Variants in BAIAP2L1 observed in about 807,000 individuals in gnomAD.
The protein encoded by BAIAP2L1 is BAR/IMD domain-containing adapter protein 2-like 1.
In BAIAP2L1, 35 loss-of-function variants were observed where a neutral mutation model predicts 66.3. That is an observed-to-expected ratio of 0.53 (90% CI 0.40 to 0.70). The LOEUF (loss-of-function observed/expected upper bound fraction) is 0.70. Ranked by LOEUF, BAIAP2L1 falls within the 30% of genes least tolerant of loss-of-function variation. The pLI, the probability that BAIAP2L1 is intolerant of heterozygous loss-of-function variation, is 0.00. For synonymous variants in BAIAP2L1, 269 were observed against 248.7 expected, an observed-to-expected ratio of 1.08 and a Z score of -0.77; for missense variants, 622 against 656.9, an observed-to-expected ratio of 0.95 and a Z score of 0.58.
chr7:98,356,853 G>T (rs1802131943), intron 2 of BAIAP2L1, among the ~76,000 whole-genome samples: 1 of 147,034 alleles, frequency 6.8e-6, no homozygotes, highest in Non-Finnish European at 1.5e-5. Flanking sequence ...CAGGCATGGT[G>T]GTGGTGGCAC....
intron 3 of BAIAP2L1, among the ~76,000 whole-genome samples, chr7:98,323,827 A>G (rs1322908871): frequency 6.6e-6 from 1 of 152,244 alleles, no homozygotes; most frequent in African/African-American, 2.4e-5. Context: ...ATTAACACAC[A>G]TCTTGGCTGC....
At chr7:98,306,338 C>T in intron 11 of BAIAP2L1, 101 bp downstream of exon 11, 2 of 1,405,992 alleles carry the variant, frequency 1.4e-6, no homozygotes, top group Non-Finnish European at 2.0e-6. Context: ...AGAGCTGAGG[C>T]TTAGGGCAGG....
At chr7:98,311,025 C>A (rs1800849843) in intron 8 of BAIAP2L1, among the ~76,000 whole-genome samples, 1 of 152,020 alleles carries the variant, frequency 6.6e-6, no homozygotes, top group African/African-American at 2.4e-5. Flanking sequence ...AGAGTGGATC[C>A]ATGTGTTCAA....
Position 98,367,534 on chromosome 7 carries a change from C to CTTTTT in BAIAP2L1, c.52-5107_52-5103dup, listed in dbSNP as rs1380227043. 1.3e-3 allele frequency among the ~76,000 whole-genome samples: 154 copies of CTTTTT among 114,514 alleles called. 9 individuals are homozygous for CTTTTT. The highest frequency in any genetic ancestry group is 1.9e-3 in the Non-Finnish European group (108 of 57,920). The allele number at this position is 114,514 out of a possible 152,430, so 75.1% of individuals were successfully genotyped here. ...TATAGGCGCGCACCACCACACCTGG[C>CTTTTT]TTTTTTTTTTTTTTTTTGTGAGACG... On this transcript the variant is annotated intron_variant, in intron 1 of 13. Coordinates refer to ENST00000005260, the MANE Select transcript of BAIAP2L1 (RefSeq NM_018842.5).
chr7:98,395,732 G>A (rs868857624), intron 1 of BAIAP2L1, among the ~76,000 whole-genome samples: 1 of 151,996 alleles, frequency 6.6e-6, no homozygotes, highest in Non-Finnish European at 1.5e-5. Context: ...TTTTAAGCTG[G>A]AATATTGAGT....
intron 1 of BAIAP2L1, among the ~76,000 whole-genome samples, chr7:98,398,489 G>T (rs1394673151): frequency 1.3e-5 from 2 of 150,696 alleles, no homozygotes; most frequent in Admixed American, 1.3e-4. Context: ...AAAAAAAAAG[G>T]TCCCAAAACA....
chr7:98,306,712 A>T, intron 10 of BAIAP2L1, 196 bp from the exon 11 acceptor site: 2 of 786,594 alleles, frequency 2.5e-6, no homozygotes, highest in Non-Finnish European at 3.8e-6. Context: ...ATTGTTAACA[A>T]TTTTTTTTTA....
intron 1 of BAIAP2L1, among the ~76,000 whole-genome samples, chr7:98,399,788 A>T (rs1300649782): frequency 6.6e-6 from 1 of 152,212 alleles, no homozygotes; most frequent in African/African-American, 2.4e-5. Flanking sequence ...CTCCTAATAC[A>T]TGCAAGTTAA....
At chr7:98,338,702 C>T (rs1236374225) in intron 3 of BAIAP2L1, among the ~76,000 whole-genome samples, 1 of 152,140 alleles carries the variant, frequency 6.6e-6, no homozygotes, top group Non-Finnish European at 1.5e-5. Context: ...TGTTTTTCCA[C>T]TTATCAGCAG....
intron 11 of BAIAP2L1, among the ~76,000 whole-genome samples, chr7:98,305,433 A>G (rs768774742): frequency 2.0e-5 from 3 of 152,194 alleles, no homozygotes; most frequent in South Asian, 2.1e-4. Context: ...TGAAGATTGC[A>G]GACAGCATCA....
chr7:98,311,360 G>A (rs183620438), intron 8 of BAIAP2L1, among the ~76,000 whole-genome samples: 1 of 151,652 alleles, frequency 6.6e-6, no homozygotes, highest in African/African-American at 2.4e-5. Context: ...TGGCTAACAT[G>A]GTGAAACCCG....
intron 1 of BAIAP2L1, among the ~76,000 whole-genome samples, chr7:98,363,254 C>T (rs1006430016): frequency 2.6e-5 from 4 of 151,996 alleles, no homozygotes; most frequent in South Asian, 4.2e-4. Context: ...AGGCTGGTCT[C>T]GAACTCCTGA....
At chr7:98,297,945 T>C (rs1800258346) in intron 12 of BAIAP2L1, among the ~76,000 whole-genome samples, 2 of 152,188 alleles carry the variant, frequency 1.3e-5, no homozygotes, top group Admixed American at 1.3e-4. Context: ...ATTAAAAAAA[T>C]TCAGGCCGGG....
chr7:98,293,164 G>A lies in BAIAP2L1; in HGVS notation c.*357C>T. On this transcript the variant is annotated 3_prime_UTR_variant, in exon 14 of 14. Transcript: ENST00000005260. Reference sequence around the variant, plus strand: ...AAAACTGGTCTCATTCATATCAGGTGCAGAAAGCCAGTCCTGAAAGCATAG... The same window carrying A: ...AAAACTGGTCTCATTCATATCAGGTACAGAAAGCCAGTCCTGAAAGCATAG... The A allele has an allele frequency of 3.4e-6, 1 of 293,562 alleles. No individual in the cohort carries two copies. Among genetic ancestry groups the A allele is most frequent in the East Asian group, 7.9e-5 (1 of 12,582 alleles). The allele number at this position is 293,562 out of a possible 1,614,324, so 18.2% of individuals were successfully genotyped here.
At chr7:98,381,579 C>G (rs1802760006) in intron 1 of BAIAP2L1, among the ~76,000 whole-genome samples, 1 of 152,182 alleles carries the variant, frequency 6.6e-6, no homozygotes, top group Non-Finnish European at 1.5e-5. Flanking sequence ...AGCCTGAGCT[C>G]TCTAAGGCCA....
At chr7:98,309,035 T>C (rs1443547175) in intron 9 of BAIAP2L1, 3 of 152,094 alleles carry the variant, frequency 2.0e-5, no homozygotes, top group African/African-American at 7.2e-5. Flanking sequence ...CATCTTTAAT[T>C]TAAAACAATG....
At chr7:98,324,032 A>C (rs992502322) in intron 3 of BAIAP2L1, among the ~76,000 whole-genome samples, 13 of 151,586 alleles carry the variant, frequency 8.6e-5, no homozygotes, top group Non-Finnish European at 1.3e-4. Context: ...GAAAAAAAAA[A>C]CCCGGAGGGT....
chr7:98,328,348 G>A (rs150620985), intron 3 of BAIAP2L1, among the ~76,000 whole-genome samples: 8 of 152,254 alleles, frequency 5.3e-5, no homozygotes, highest in African/African-American at 1.7e-4. Flanking sequence ...CACAGCATCC[G>A]CAGGAAGATG....
chr7:98,393,050 T>TACATATATGTAC lies in BAIAP2L1; in HGVS notation c.51+7740_51+7751dup, dbSNP rs1554341837. Among the ~76,000 whole-genome samples, 7 of 98,388 alleles carry TACATATATGTAC rather than the reference T, an allele frequency of 7.1e-5. No individual in the cohort carries two copies. In the Admixed American group the frequency reaches 7.1e-4, roughly 10 times the overall value. 64.5% of individuals were successfully genotyped at this position (98,388 alleles called of 152,430 possible). On this transcript the variant is annotated intron_variant, in intron 1 of 13. Transcript: ENST00000005260. Reference sequence around the variant, plus strand: ...ACACATATATATACATATATACGTGTACATATATGTACACATATATGTATA... The same window carrying TACATATATGTAC: ...ACACATATATATACATATATACGTGTACATATATGTACACATATATGTACACATATATGTATA...
Sources: allele counts gnomAD v4.1 joint callset (sites outside exome capture counted in the v4.1 genomes callset), GRCh38; gene constraint gnomAD v4.1.1; transcripts MANE v1.5; gene names NCBI Gene and HGNC (gene_info 2026-07-23, HGNC 2026-07-21).